The following PTBP3 variants were observed in gnomAD, a reference collection of about 807,000 sequenced individuals.
The protein encoded by PTBP3 is polypyrimidine tract binding protein 3.
PTBP3 carries 20 observed loss-of-function variants against 58.7 expected under a neutral mutation model. That is an observed-to-expected ratio of 0.34 (90% CI 0.24 to 0.50). The LOEUF is 0.50. PTBP3 is among the 20% of genes least tolerant of loss of function. The pLI is 0.98. For missense variants in PTBP3, 509 were observed against 637.2 expected (o/e 0.80, Z 2.17); for synonymous variants, 185 against 219.8 (o/e 0.84, Z 1.40).
chr9:112,255,345 TAAAA>T (rs1329203515), intron 5 of PTBP3, among the ~76,000 whole-genome samples: 2 of 152,148 alleles, frequency 1.3e-5, no homozygotes, highest in Non-Finnish European at 2.9e-5. Flanking sequence ...ACTATACAAT[TAAAA>T]ATAGTTAAAA....
At chr9:112,297,421 T>C (rs1589883696) in intron 2 of PTBP3, among the ~76,000 whole-genome samples, 2 of 152,174 alleles carry the variant, frequency 1.3e-5, no homozygotes, top group South Asian at 4.1e-4. Flanking sequence ...GCCAGGCTGG[T>C]CTTGAACTCC....
Position 112,222,649 on chromosome 9 carries a change from T to A in PTBP3, c.*1202A>T, listed in dbSNP as rs752481185. 2.0e-6 allele frequency: 2 copies of A among 985,706 alleles called. No individual in the cohort carries two copies. Among genetic ancestry groups the A allele is most frequent in the Non-Finnish European group, 2.4e-6 (2 of 829,830 alleles). The allele number at this position is 985,706 out of a possible 1,614,324, so 61.1% of individuals were successfully genotyped here. A position where few individuals can be genotyped will look rare whatever the true frequency, so the allele number is the denominator to read the frequency against. On this transcript the variant is annotated 3_prime_UTR_variant, in exon 14 of 14. Transcript: ENST00000374257. ...AAATTTGATAAAAACTATTACTTAT[T>A]GAAAACCACTTAAAATTGCAATGAA...
chr9:112,355,867 T>C, the PTBP3 span, among the ~76,000 whole-genome samples: 1 of 152,156 alleles, frequency 6.6e-6, no homozygotes, highest in African/African-American at 2.4e-5. Flanking sequence ...TCTATCCGGC[T>C]TGGGCTCACA....
intron 2 of PTBP3, among the ~76,000 whole-genome samples, chr9:112,289,971 T>A (rs1828308285): frequency 6.6e-6 from 1 of 152,130 alleles, no homozygotes; most frequent in African/African-American, 2.4e-5. Context: ...CTTCTTAAGC[T>A]GAGAAAGAAA....
chr9:112,313,640 G>C (rs954337782), intron 1 of PTBP3, among the ~76,000 whole-genome samples: 1 of 152,132 alleles, frequency 6.6e-6, no homozygotes, highest in Non-Finnish European at 1.5e-5. Context: ...TTGCTGGCAG[G>C]ACTCAGTTTG....
chr9:112,272,066 C>G lies in PTBP3; in HGVS notation c.204+3778G>C, dbSNP rs1827408045. On this transcript the variant is annotated intron_variant, in intron 3 of 13. Coordinates refer to ENST00000374257, the MANE Select transcript of PTBP3 (RefSeq NM_001163788.4). The stretch of plus-strand genomic sequence containing the variant: ...GGTAGATTTTGTCCCCCATCTCACT[C>G]TTTTTATTTTTTATTTTTTTTTTGA... Among the ~76,000 whole-genome samples, 2 of 150,594 alleles carry G rather than the reference C, an allele frequency of 1.3e-5. 1 individual carries two copies. The highest frequency in any genetic ancestry group is 4.2e-4 in the South Asian group (2 of 4,778).
chr9:112,339,147 CAGGCGTGGTGGCTCATGCCTGT>C, the PTBP3 span, among the ~76,000 whole-genome samples: 1 of 151,976 alleles, frequency 6.6e-6, no homozygotes, highest in African/African-American at 2.4e-5. Context: ...AAAAATTAGC[CAGGCGTGGTGGCTCATGCCTGT>C]AGGCCCAGCT....
chr9:112,364,069 G>A, the PTBP3 span, among the ~76,000 whole-genome samples: 1 of 151,102 alleles, frequency 6.6e-6, no homozygotes, highest in Non-Finnish European at 1.5e-5. Context: ...TCTTCAGAAT[G>A]TCATATATTT....
chr9:112,347,325 A>G, the PTBP3 span, among the ~76,000 whole-genome samples: 1 of 149,064 alleles, frequency 6.7e-6, no homozygotes, highest in Non-Finnish European at 1.5e-5. Context: ...AATTAAAACT[A>G]TATGTACTGG....
chr9:112,280,274 C>T (rs1018554690), intron 2 of PTBP3, among the ~76,000 whole-genome samples: 7 of 152,090 alleles, frequency 4.6e-5, no homozygotes, highest in Non-Finnish European at 7.4e-5. Context: ...AGGCTGGTCT[C>T]GAACTCCTGA....
chr9:112,240,127 A>G (rs1177525372), intron 7 of PTBP3, among the ~76,000 whole-genome samples: 1 of 152,192 alleles, frequency 6.6e-6, no homozygotes, highest in Admixed American at 6.5e-5. Flanking sequence ...AAAAGAAAAA[A>G]GATGGTATAG....
At chr9:112,344,466 C>T in the PTBP3 span, among the ~76,000 whole-genome samples, 140 of 152,288 alleles carry the variant, frequency 9.2e-4, no homozygotes, top group Middle Eastern at 3.4e-3. Flanking sequence ...ATAATTCCTT[C>T]CCTTTTCTGC....
chr9:112,269,821 C>T (rs1827293211), intron 3 of PTBP3, among the ~76,000 whole-genome samples: 1 of 152,054 alleles, frequency 6.6e-6, no homozygotes, highest in Non-Finnish European at 1.5e-5. Context: ...AATCTTTCGC[C>T]TTCTACTCAC....
At chr9:112,277,946 T>TAACATAACATAACATAAC (rs1564427648) in intron 2 of PTBP3, among the ~76,000 whole-genome samples, 2 of 58,170 alleles carry the variant, frequency 3.4e-5, no homozygotes, top group African/African-American at 1.4e-4. Context: ...CATAACATAA[T>TAACATAACATAACATAAC]ATAACATAAC....
intron 4 of PTBP3, among the ~76,000 whole-genome samples, chr9:112,265,555 T>C (rs1369170371): frequency 1.3e-5 from 2 of 151,980 alleles, no homozygotes; most frequent in African/African-American, 4.8e-5. Context: ...CAACAAAAAA[T>C]TAAGCCTTAG....
At chr9:112,254,390 TG>T (rs1836263473) in intron 5 of PTBP3, among the ~76,000 whole-genome samples, 1 of 152,116 alleles carries the variant, frequency 6.6e-6, no homozygotes, top group Non-Finnish European at 1.5e-5. Flanking sequence ...GCACAGGTAA[TG>T]AATGAAAAAT....
chr9:112,258,517 C>A (rs1385021226), intron 5 of PTBP3, among the ~76,000 whole-genome samples: 2 of 151,902 alleles, frequency 1.3e-5, no homozygotes, highest in Non-Finnish European at 2.9e-5. Flanking sequence ...ACTCCTGATT[C>A]CTGCCTACCT....
intron 2 of PTBP3, among the ~76,000 whole-genome samples, chr9:112,289,689 G>C (rs1220713432): frequency 6.6e-6 from 1 of 152,154 alleles, no homozygotes; most frequent in Admixed American, 6.5e-5. Context: ...GGCTGGGGTG[G>C]GAGGATCTCT....
At chr9:112,271,662 G>A (rs1827391134) in intron 3 of PTBP3, among the ~76,000 whole-genome samples, 1 of 152,108 alleles carries the variant, frequency 6.6e-6, no homozygotes, top group African/African-American at 2.4e-5. Context: ...GGAGGCAGAA[G>A]TTGCAGTGAG....
Sources: allele counts gnomAD v4.1 joint callset (sites outside exome capture counted in the v4.1 genomes callset), GRCh38; gene constraint gnomAD v4.1.1; transcripts MANE v1.5; gene names NCBI Gene and HGNC (gene_info 2026-07-23, HGNC 2026-07-21).